Variants in SLC38A6 observed in about 807,000 individuals in gnomAD.
SLC38A6 encodes N system amino acid transporter NAT-1.
In SLC38A6, 73 loss-of-function variants were observed where a neutral mutation model predicts 65.0. That is an observed-to-expected ratio of 1.12 (90% CI 0.93 to 1.37). The LOEUF (loss-of-function observed/expected upper bound fraction) is 1.37, where lower values mean the gene tolerates loss of function less well. Ranked by LOEUF, SLC38A6 falls within the 40% of genes most tolerant of loss-of-function variation. The pLI is 0.00. For synonymous variants in SLC38A6, 183 were observed against 178.8 expected (o/e 1.02, Z -0.19); for missense variants, 561 against 531.1 (o/e 1.06, Z -0.55).
chr14:60,989,482 G>A (rs7150143), intron 3 of SLC38A6, among the ~76,000 whole-genome samples: 3,016 of 152,176 alleles, frequency 0.02, 83 homozygotes, highest in African/African-American at 0.069. Context: ...CTAGCACTTC[G>A]GGAGGCAGAC....
intron 3 of SLC38A6, among the ~76,000 whole-genome samples, chr14:61,009,473 G>T (rs2039391495): frequency 6.6e-6 from 1 of 151,988 alleles, no homozygotes; most frequent in Admixed American, 6.6e-5. Flanking sequence ...TGCCATGTTG[G>T]CGTGCCGCAC....
At chr14:61,003,767 A>G (rs530403156) in intron 3 of SLC38A6, among the ~76,000 whole-genome samples, 2 of 152,324 alleles carry the variant, frequency 1.3e-5, no homozygotes, top group East Asian at 1.9e-4. Flanking sequence ...GCAAGAAGCC[A>G]TTACTCATAT....
At chr14:61,078,696 C>T (rs1384571243) in intron 15 of SLC38A6, 1 of 153,016 alleles carries the variant, frequency 6.5e-6, no homozygotes, top group Non-Finnish European at 1.4e-5. Flanking sequence ...TGGAAAATTC[C>T]TCATGCCCTC....
chr14:61,013,827 C>A (rs2039775585), intron 3 of SLC38A6, among the ~76,000 whole-genome samples: 1 of 152,156 alleles, frequency 6.6e-6, no homozygotes, highest in African/African-American at 2.4e-5. Context: ...TTTTTTCCTT[C>A]ATTTCAACTT....
chr14:61,064,301 G>T (rs751204470), intron 15 of SLC38A6, among the ~76,000 whole-genome samples: 9 of 152,056 alleles, frequency 5.9e-5, no homozygotes, highest in Non-Finnish European at 1.2e-4. Context: ...TCCAAATACA[G>T]ATAGGTGTGC....
chr14:61,011,958 G>A (rs1328539520), intron 3 of SLC38A6, among the ~76,000 whole-genome samples: 1 of 152,162 alleles, frequency 6.6e-6, no homozygotes, highest in Non-Finnish European at 1.5e-5. Context: ...AGAAGGAATG[G>A]TACCAGCTCC....
intron 6 of SLC38A6, 72 bp downstream of exon 6, chr14:61,030,595 C>A: frequency 9.5e-7 from 1 of 1,052,244 alleles, no homozygotes; most frequent in Non-Finnish European, 1.4e-6. Flanking sequence ...CTGTAAATGG[C>A]AATACTTGTA....
intron 3 of SLC38A6, among the ~76,000 whole-genome samples, chr14:60,995,581 G>A (rs925932991): frequency 6.6e-6 from 1 of 152,038 alleles, no homozygotes; most frequent in East Asian, 1.9e-4. Flanking sequence ...CAAGAGAGTA[G>A]ATTTCAGGTG....
chr14:61,078,050 A>G (rs2043488419), intron 15 of SLC38A6, among the ~76,000 whole-genome samples: 2 of 152,234 alleles, frequency 1.3e-5, no homozygotes, highest in South Asian at 2.1e-4. Context: ...GGAACTTACA[A>G]TCCAATGGAG....
intron 6 of SLC38A6, among the ~76,000 whole-genome samples, chr14:61,036,488 T>C (rs1477272742): frequency 1.3e-5 from 2 of 152,080 alleles, no homozygotes; most frequent in Non-Finnish European, 2.9e-5. Flanking sequence ...AAATACCTAA[T>C]GCATGCAGGG....
chr14:61,076,407 A>G (rs942363161), intron 15 of SLC38A6, among the ~76,000 whole-genome samples: 7 of 152,226 alleles, frequency 4.6e-5, no homozygotes, highest in African/African-American at 9.7e-5. Flanking sequence ...TGCCAAGCAC[A>G]TTCTCATGTA....
chr14:61,002,918 T>C (rs1255652592), intron 3 of SLC38A6, among the ~76,000 whole-genome samples: 2 of 152,202 alleles, frequency 1.3e-5, no homozygotes, highest in African/African-American at 2.4e-5. Flanking sequence ...ATTACTGTTA[T>C]TCCTGTTCTG....
intron 3 of SLC38A6, among the ~76,000 whole-genome samples, chr14:61,010,725 G>T (rs1052050729): frequency 3.9e-5 from 6 of 152,056 alleles, no homozygotes; most frequent in African/African-American, 1.4e-4. Flanking sequence ...GGGCTCTGTT[G>T]TGTTCCATTG....
intron 3 of SLC38A6, among the ~76,000 whole-genome samples, chr14:60,993,543 G>A (rs772043457): frequency 6.6e-6 from 1 of 152,212 alleles, no homozygotes; most frequent in Non-Finnish European, 1.5e-5. Flanking sequence ...GTCCCAGTTA[G>A]TAGGAGTTCT....
chr14:61,078,005 T>C (rs992217615), intron 15 of SLC38A6, among the ~76,000 whole-genome samples: 2 of 152,236 alleles, frequency 1.3e-5, no homozygotes, highest in Non-Finnish European at 2.9e-5. Context: ...CATTGTTAGG[T>C]AGGTACAGTA....
At chr14:60,989,559 A>G (rs1285497743) in intron 3 of SLC38A6, among the ~76,000 whole-genome samples, 3 of 151,896 alleles carry the variant, frequency 2.0e-5, no homozygotes, top group Non-Finnish European at 4.4e-5. Flanking sequence ...CCCCATCTCT[A>G]CAAAAAAAAA....
chr14:61,009,327 A>C (rs2039376119), intron 3 of SLC38A6, among the ~76,000 whole-genome samples: 1 of 152,206 alleles, frequency 6.6e-6, no homozygotes, highest in Admixed American at 6.5e-5. Context: ...ATCAATCTGC[A>C]TGTTGACATT....
chr14:61,069,890 A>G (rs2043168158), intron 15 of SLC38A6, among the ~76,000 whole-genome samples: 2 of 152,170 alleles, frequency 1.3e-5, no homozygotes. Context: ...TGTTCTTCCC[A>G]GTATATTCTA....
chr14:61,048,510 A>G (rs1347768989), intron 12 of SLC38A6, among the ~76,000 whole-genome samples: 2 of 152,112 alleles, frequency 1.3e-5, no homozygotes, highest in East Asian at 1.9e-4. Context: ...TCCCTCACAT[A>G]TGTTATGGCT....
Sources: allele counts gnomAD v4.1 joint callset (sites outside exome capture counted in the v4.1 genomes callset), GRCh38; gene constraint gnomAD v4.1.1; transcripts MANE v1.5; gene names NCBI Gene and HGNC (gene_info 2026-07-23, HGNC 2026-07-21).